The following LRRK2 variants were observed in gnomAD, a reference collection of about 807,000 sequenced individuals.
LRRK2 encodes the protein leucine rich repeat kinase 2.
Under a neutral mutation model 302.6 loss-of-function variants are expected in LRRK2, and 203 were observed. The ratio of observed to expected loss-of-function variants is 0.67; its 90% confidence interval spans 0.60 to 0.75. The LOEUF (loss-of-function observed/expected upper bound fraction) is 0.75. Among genes scored for constraint, LRRK2 ranks in the 30% least tolerant of loss-of-function variants. LRRK2 has a pLI of 0.00. For synonymous variants in LRRK2, 1,066 were observed against 1,031.9 expected (o/e 1.03, Z -0.63); for missense variants, 2,830 against 2,951.0 (o/e 0.96, Z 0.95).
intron 33 of LRRK2, among the ~76,000 whole-genome samples, chr12:40,315,762 C>T (rs1416257907): frequency 1.3e-5 from 2 of 151,494 alleles, no homozygotes; most frequent in African/African-American, 4.9e-5. Context: ...CTTTGGATGG[C>T]CTTGGTTATA....
At chr12:40,351,516 T>C (rs199902220) in intron 43 of LRRK2, 23 bp from the exon 44 acceptor site, 1 of 1,610,346 alleles carries the variant, frequency 6.2e-7, no homozygotes, top group South Asian at 1.1e-5. Context: ...AAGTACTGTT[T>C]TGTTATCTTT....
chr12:40,348,215 C>T (rs372789611), intron 42 of LRRK2, among the ~76,000 whole-genome samples, 194 bp from the exon 43 acceptor site: 11 of 151,584 alleles, frequency 7.3e-5, no homozygotes, highest in African/African-American at 1.2e-4. Flanking sequence ...AAAAAAAAAT[C>T]TTTTCCACAT....
rs551662561 is a variant in LRRK2, at chr12:40,254,090, C to G, written c.1288+1074C>G. On this transcript the variant is annotated intron_variant, in intron 11 of 50. Transcript: ENST00000298910. ...GTTCAGGCTGCTCAAATTTCTTCCC[C>G]CATAAACAGGAATACTGCCAGAAAT... 2.0e-5 allele frequency among the ~76,000 whole-genome samples: 3 copies of G among 152,162 alleles called. No homozygotes were observed. In the South Asian group the frequency reaches 6.2e-4, roughly 32 times the overall value.
Position 40,328,655 on chromosome 12 carries a change from G to A in LRRK2, c.5757+195G>A, listed in dbSNP as rs2404833. Among the ~76,000 whole-genome samples the A allele has an allele frequency of 0.98, 149,317 of 152,326 alleles. 73,194 individuals are homozygous for A. Among genetic ancestry groups the A allele is most frequent in the East Asian group, 1 (5,188 of 5,188 alleles). On this transcript the variant is annotated intron_variant, in intron 39 of 50. Coordinates refer to ENST00000298910, the MANE Select transcript of LRRK2 (RefSeq NM_198578.4). ...TTCTCCTGTTGAGAAACAAAACACT[G>A]TATCTGAGAATCCTTATAATCGTGA...
At chr12:40,301,209 C>T in intron 25 of LRRK2, 2 of 418,922 alleles carry the variant, frequency 4.8e-6, no homozygotes, top group Non-Finnish European at 9.5e-6. Flanking sequence ...CTGAGCAGGA[C>T]CACTAACCAT....
intron 14 of LRRK2, among the ~76,000 whole-genome samples, chr12:40,268,560 A>G (rs866181668): frequency 2.6e-5 from 4 of 152,192 alleles, no homozygotes; most frequent in Admixed American, 6.6e-5. Context: ...ATGAAGGACT[A>G]AATTTTTAAA....
At chr12:40,353,073 C>G (rs1184956248) in intron 44 of LRRK2, among the ~76,000 whole-genome samples, 2 of 150,286 alleles carry the variant, frequency 1.3e-5, no homozygotes, top group East Asian at 4.0e-4. Context: ...GACGGGGCGG[C>G]GGCCGGGCGG....
chr12:40,340,050 T>G (rs1166327358), intron 40 of LRRK2, among the ~76,000 whole-genome samples: 1 of 152,212 alleles, frequency 6.6e-6, no homozygotes, highest in African/African-American at 2.4e-5. Context: ...TGAGATAGAT[T>G]TGTCTTAAAA....
Position 40,294,872 on chromosome 12 carries a change from C to T in LRRK2, c.2836C>T (p.Leu946=). 6.5e-7 allele frequency: 1 copy of T among 1,548,024 alleles called. No individual in the cohort carries two copies. The highest frequency in any genetic ancestry group is 8.9e-7 in the Non-Finnish European group (1 of 1,124,654). ...LGPIFDHEDL[L]KRKRKILSSD... is the part of the protein sequence containing the mutation. ...GCCCATTTTTGATCATGAAGATTTA[C>T]TGAAGCGAAAAAGAAAAATATTATC... The change falls in exon 22 of 51, where the codon CTG becomes TTG. Residue 946 remains leucine, a synonymous_variant. Transcript: ENST00000298910.
At chr12:40,295,241 T>C (rs1379485732) in intron 22 of LRRK2, among the ~76,000 whole-genome samples, 186 bp from the exon 23 acceptor site, 1 of 151,934 alleles carries the variant, frequency 6.6e-6, no homozygotes, top group Non-Finnish European at 1.5e-5. Flanking sequence ...TTACACCACC[T>C]GATTAAATGC....
intron 2 of LRRK2, among the ~76,000 whole-genome samples, chr12:40,229,550 T>C (rs1032907665): frequency 2.0e-5 from 3 of 152,246 alleles, no homozygotes; most frequent in Non-Finnish European, 4.4e-5. Context: ...TCTCAAGGGT[T>C]CAACCTTTGA....
At chr12:40,239,725 GAT>G (rs1203293014) in intron 5 of LRRK2, among the ~76,000 whole-genome samples, 1 of 152,056 alleles carries the variant, frequency 6.6e-6, no homozygotes, top group East Asian at 1.9e-4. Context: ...AAAGTTCCAT[GAT>G]ATTCTTCACT....
chr12:40,364,454 A>G (rs2137048711), intron 48 of LRRK2, among the ~76,000 whole-genome samples: 1 of 152,072 alleles, frequency 6.6e-6, no homozygotes, highest in East Asian at 1.9e-4. Context: ...TTTACATGTG[A>G]ATGACTATAA....
chr12:40,317,547 A>G (rs969702373), intron 33 of LRRK2, among the ~76,000 whole-genome samples: 2 of 152,108 alleles, frequency 1.3e-5, no homozygotes. Context: ...AAAAAAAGGT[A>G]CCATTAAGGC....
chr12:40,231,736 A>T (rs562058718), intron 2 of LRRK2, among the ~76,000 whole-genome samples: 2 of 147,568 alleles, frequency 1.4e-5, no homozygotes, highest in Non-Finnish European at 3.0e-5. Flanking sequence ...ATAATTTAGA[A>T]ATTATATGTA....
intron 3 of LRRK2, among the ~76,000 whole-genome samples, chr12:40,234,934 T>A (rs1370313845): frequency 6.6e-6 from 1 of 152,190 alleles, no homozygotes; most frequent in East Asian, 1.9e-4. Flanking sequence ...ATATTTGAAT[T>A]TGAATATTTA....
At chr12:40,288,197 C>G (rs1944001943) in intron 20 of LRRK2, among the ~76,000 whole-genome samples, 1 of 151,290 alleles carries the variant, frequency 6.6e-6, no homozygotes, top group South Asian at 2.1e-4. Context: ...GAGAGTTGTT[C>G]CAAAATATTG....
intron 48 of LRRK2, 121 bp from the exon 49 acceptor site, chr12:40,364,721 A>T (rs1331708504): frequency 1.2e-6 from 1 of 833,912 alleles, no homozygotes; most frequent in Non-Finnish European, 1.9e-6. Flanking sequence ...AATTTTAATG[A>T]TGCATAATGG....
At chr12:40,286,468 A>G (rs1403035626) in intron 19 of LRRK2, 2 of 151,880 alleles carry the variant, frequency 1.3e-5, no homozygotes, top group African/African-American at 4.8e-5. Flanking sequence ...AGCATACTTC[A>G]CTCTGCTACT....
Sources: gnomAD v4.1 joint callset for allele counts (sites outside exome capture counted in the v4.1 genomes callset) on GRCh38, gnomAD v4.1.1 for gene constraint, MANE v1.5 for transcripts, NCBI Gene and HGNC (gene_info 2026-07-23, HGNC 2026-07-21) for gene names.